The following PDE1A variants were observed in gnomAD, a reference collection of about 807,000 sequenced individuals.
PDE1A encodes the protein dual specificity calcium/calmodulin-dependent 3',5'-cyclic nucleotide phosphodiesterase 1A.
Under a neutral mutation model 61.7 loss-of-function variants are expected in PDE1A, and 35 were observed. The ratio of observed to expected loss-of-function variants is 0.57; its 90% CI spans 0.43 to 0.75. The LOEUF (loss-of-function observed/expected upper bound fraction) is 0.75. Ranked by LOEUF, PDE1A falls within the 30% of genes least tolerant of loss-of-function variation. The pLI is 0.00. For synonymous variants in PDE1A, 232 were observed against 213.2 expected, an observed-to-expected ratio of 1.09 and a Z score of -0.77; for missense variants, 597 against 630.6, an observed-to-expected ratio of 0.95 and a Z score of 0.57.
At chr2:182,185,705 C>G (rs1435000559) in intron 13 of PDE1A, 187 bp downstream of exon 13, 1 of 1,150,048 alleles carries the variant, frequency 8.7e-7, no homozygotes, top group African/African-American at 1.6e-5. Flanking sequence ...ACAAACAAAC[C>G]AGAACCTCTT....
At chr2:182,676,585 T>C in the PDE1A span, among the ~76,000 whole-genome samples, 2 of 152,140 alleles carry the variant, frequency 1.3e-5, no homozygotes, top group Non-Finnish European at 2.9e-5. Context: ...ATCATCCTGA[T>C]ACCAAAATCT....
In PDE1A at chr2:182,232,104, T is replaced by C. The variant is rs199884611; in HGVS notation, c.418-973A>G. Among the ~76,000 whole-genome samples the C allele has an allele frequency of 2.4e-4, 36 of 152,226 alleles. No individual in the cohort carries two copies. The East Asian group carries it at 5.8e-3, about 25-fold the overall frequency. ...GAGGAAAAGGAAGTGGGCCTTTTGA[T>C]TGAGGAGGAGGATAGTAATACTCGC... On this transcript the variant is annotated intron_variant, in intron 4 of 13. Transcript: ENST00000351439.
intron 10 of PDE1A, among the ~76,000 whole-genome samples, chr2:182,197,514 T>C (rs1261960669): frequency 1.3e-5 from 2 of 151,722 alleles, no homozygotes; most frequent in African/African-American, 2.4e-5. Context: ...CGTTTTCCTC[T>C]AAGATCTTTA....
chr2:182,360,423 C>A (rs1257018472), intron 1 of PDE1A, among the ~76,000 whole-genome samples: 1 of 151,718 alleles, frequency 6.6e-6, no homozygotes, highest in East Asian at 1.9e-4. Context: ...TCACTGTGAG[C>A]GGGGCAGGGA....
At chr2:182,619,980 G>T in the PDE1A span, among the ~76,000 whole-genome samples, 1 of 152,126 alleles carries the variant, frequency 6.6e-6, no homozygotes, top group East Asian at 1.9e-4. Context: ...CATCCATAAG[G>T]GTAGAATCTT....
chr2:182,477,690 A>T (rs1478770026), intron 2 of PDE1A, among the ~76,000 whole-genome samples: 2 of 151,958 alleles, frequency 1.3e-5, no homozygotes, highest in Non-Finnish European at 2.9e-5. Context: ...AATCCTAGAC[A>T]TAGAGAGCAT....
intron 13 of PDE1A, among the ~76,000 whole-genome samples, chr2:182,153,861 A>T (rs1420297291): frequency 6.6e-6 from 1 of 152,138 alleles, no homozygotes; most frequent in South Asian, 2.1e-4. Context: ...GAAGGGTAGG[A>T]GGTTTGGAGG....
the PDE1A span, among the ~76,000 whole-genome samples, chr2:182,692,107 A>T: frequency 1.3e-5 from 2 of 152,208 alleles, no homozygotes; most frequent in East Asian, 1.9e-4. Context: ...ATTGTGGAAG[A>T]CAGTGTGGCG....
intron 11 of PDE1A, among the ~76,000 whole-genome samples, chr2:182,187,884 A>G (rs1685358459): frequency 6.6e-6 from 1 of 151,484 alleles, no homozygotes. Context: ...AGCTGGGATT[A>G]CAGGTGCATG....
intron 13 of PDE1A, among the ~76,000 whole-genome samples, chr2:182,181,774 G>A (rs578036938): frequency 6.6e-4 from 101 of 152,300 alleles, no homozygotes; most frequent in African/African-American, 2.4e-3. Context: ...GCCCTGCCCA[G>A]TGAGGAGGAA....
the PDE1A span, among the ~76,000 whole-genome samples, chr2:182,685,791 C>T: frequency 3.9e-5 from 6 of 152,264 alleles, no homozygotes; most frequent in East Asian, 1.9e-4. Context: ...TTTTTGATCA[C>T]GCACCTTCCT....
At chr2:182,695,316 C>G in the PDE1A span, among the ~76,000 whole-genome samples, 2 of 152,038 alleles carry the variant, frequency 1.3e-5, no homozygotes, top group Admixed American at 6.6e-5. Context: ...CAGAAAACAT[C>G]AAGCAGAAAC....
At chr2:182,613,128 C>T in the PDE1A span, among the ~76,000 whole-genome samples, 8 of 152,116 alleles carry the variant, frequency 5.3e-5, no homozygotes, top group African/African-American at 1.7e-4. Context: ...ATTTTTATCT[C>T]TGTTATCAGA....
intron 1 of PDE1A, among the ~76,000 whole-genome samples, chr2:182,310,809 C>A (rs574287573): frequency 1.3e-5 from 2 of 152,320 alleles, no homozygotes; most frequent in South Asian, 2.1e-4. Flanking sequence ...CTTCTAGGAA[C>A]CCAGCTCAAA....
chr2:182,581,921 T>C, the PDE1A span, among the ~76,000 whole-genome samples: 1 of 152,014 alleles, frequency 6.6e-6, no homozygotes, highest in Admixed American at 6.6e-5. Context: ...AAAATAGAAA[T>C]CCTATGCGTT....
chr2:182,595,329 A>T, the PDE1A span, among the ~76,000 whole-genome samples: 32 of 152,344 alleles, frequency 2.1e-4, no homozygotes, highest in African/African-American at 7.5e-4. Flanking sequence ...CTTCATTATC[A>T]TCACTAAATC....
At chr2:182,151,147 G>T (rs979096678) in intron 13 of PDE1A, among the ~76,000 whole-genome samples, 3 of 152,152 alleles carry the variant, frequency 2.0e-5, no homozygotes, top group Non-Finnish European at 4.4e-5. Context: ...GAGTGCAATG[G>T]TGCAATCTCA....
At chr2:182,633,310 A>AT in the PDE1A span, among the ~76,000 whole-genome samples, 2 of 152,292 alleles carry the variant, frequency 1.3e-5, no homozygotes, top group East Asian at 1.9e-4. Flanking sequence ...GCCATGCAAA[A>AT]TTAAAAAGGT....
chr2:182,500,714 A>C (rs909747643), intron 2 of PDE1A, among the ~76,000 whole-genome samples: 1 of 152,230 alleles, frequency 6.6e-6, no homozygotes, highest in African/African-American at 2.4e-5. Flanking sequence ...ATTGCATGAA[A>C]ACAGAAGATT....
Sources: gnomAD v4.1 joint callset for allele counts (sites outside exome capture counted in the v4.1 genomes callset) on GRCh38, gnomAD v4.1.1 for gene constraint, MANE v1.5 for transcripts, NCBI Gene and HGNC (gene_info 2026-07-23, HGNC 2026-07-21) for gene names.